Variants in PROSER1 observed in about 807,000 individuals in gnomAD.
PROSER1 encodes the protein proline and serine rich 1.
PROSER1 carries 36 observed loss-of-function variants against 71.8 expected under a neutral mutation model. The ratio of observed to expected loss-of-function variants is 0.50; its 90% CI spans 0.38 to 0.66. PROSER1 has a LOEUF of 0.66. Ranked by LOEUF, PROSER1 falls within the 30% of genes least tolerant of loss-of-function variation. The pLI, the probability that PROSER1 is intolerant of heterozygous loss-of-function variation, is 0.00. For missense variants in PROSER1, 1,107 were observed against 1,135.0 expected, an observed-to-expected ratio of 0.98 and a Z score of 0.35; for synonymous variants, 490 against 452.4, an observed-to-expected ratio of 1.08 and a Z score of -1.06.
chr13:39,036,321 A>AC (rs1871097419), intron 1 of PROSER1, among the ~76,000 whole-genome samples: 1 of 152,232 alleles, frequency 6.6e-6, no homozygotes, highest in Non-Finnish European at 1.5e-5. Flanking sequence ...AAACAGCAAG[A>AC]CCAGAGACAA....
intron 1 of PROSER1, among the ~76,000 whole-genome samples, chr13:39,036,992 G>A (rs1007467936): frequency 6.6e-6 from 1 of 152,178 alleles, no homozygotes; most frequent in African/African-American, 2.4e-5. Flanking sequence ...ACCGTGCTGA[G>A]TCTCAAATTT....
At chr13:39,024,598 A>AG in intron 6 of PROSER1, 42 bp from the exon 7 acceptor site, 1 of 1,433,706 alleles carries the variant, frequency 7.0e-7, no homozygotes, top group South Asian at 1.3e-5. Flanking sequence ...ACTTAAAAAA[A>AG]AAACCCTCAA....
intron 2 of PROSER1, among the ~76,000 whole-genome samples, chr13:39,032,911 T>G (rs546340540): frequency 4.4e-4 from 67 of 151,044 alleles, no homozygotes; most frequent in African/African-American, 1.6e-3. Flanking sequence ...TATATCTTTT[T>G]AAAACATTTA....
chr13:39,018,430 G>C (rs1156547869), intron 9 of PROSER1, among the ~76,000 whole-genome samples: 1 of 148,720 alleles, frequency 6.7e-6, no homozygotes, highest in African/African-American at 2.5e-5. Flanking sequence ...ATAACCACCA[G>C]AACAATGGAG....
Position 39,029,376 on chromosome 13 carries a change from C to T in PROSER1, c.181-1G>A. On this transcript the variant is annotated splice_acceptor_variant, in intron 3 of 12. Coordinates refer to ENST00000352251, the MANE Select transcript of PROSER1 (RefSeq NM_025138.5). LOFTEE classifies it high-confidence loss of function. ...CTGTTGGCTGGACAGCCACCATTTT[C>T]TGTTGATATAAAAAATAATTTTATT... 7.1e-7 allele frequency: 1 copy of T among 1,409,690 alleles called. No homozygotes were observed. Among genetic ancestry groups the T allele is most frequent in the East Asian group, 2.6e-5 (1 of 38,314 alleles). 87.3% of individuals were successfully genotyped at this position (1,409,690 alleles called of 1,614,324 possible). A position where few individuals can be genotyped will look rare whatever the true frequency, so the allele number is the denominator to read the frequency against.
In PROSER1 at chr13:39,013,372, T is replaced by C. The variant is rs1034008574; in HGVS notation, c.1880A>G (p.Asn627Ser). 8.1e-6 allele frequency: 13 copies of C among 1,614,026 alleles called. No homozygotes were observed. In the South Asian group the frequency reaches 1.4e-4, roughly 18 times the overall value. The change falls in exon 11 of 13, where the codon AAT (asparagine) becomes AGT (serine). Residue 627 changes from asparagine to serine, a missense_variant. Physicochemically the swap from Asn to Ser is conservative, Grantham distance 46. Transcript: ENST00000352251. ...CAAACCTAAAGTGCCATGAGAGGGA[T>C]TCCCAGAATGAGATGGACCTTTGAA... ...SAFKGPSHSG[N>S]PSHGTLGLSG...
rs749926201 is a variant in PROSER1 at position 39,014,331 on chromosome 13, G to A, written c.921C>T (p.Asn307=). The A allele has an allele frequency of 1.2e-6, 2 of 1,614,114 alleles. No individual in the cohort carries two copies. The highest frequency in any genetic ancestry group is 2.2e-5 in the South Asian group (2 of 91,082). Reference sequence around the variant, plus strand: ...ACACAGGAAGGACAGTATTCAGCAGGTTCATTCCAGAAACGGTGGCAGCTG... The same window carrying A: ...ACACAGGAAGGACAGTATTCAGCAGATTCATTCCAGAAACGGTGGCAGCTG... The part of the protein sequence containing the change: ...ASAAATVSGM[N]LLNTVLPVFP... Residue 307 remains asparagine (N), a synonymous_variant, in exon 11 of 13, where the codon AAC becomes AAT. Coordinates refer to ENST00000352251, the MANE Select transcript of PROSER1 (RefSeq NM_025138.5).
chr13:39,014,059 G>A lies in PROSER1; in HGVS notation c.1193C>T (p.Ser398Phe), dbSNP rs770593764. 1.2e-6 allele frequency: 2 copies of A among 1,614,098 alleles called. No homozygotes were observed. Among genetic ancestry groups the A allele is most frequent in the African/African-American group, 1.3e-5 (1 of 74,924 alleles). The stretch of plus-strand genomic sequence containing the variant: ...GAGGCTAGTGAAAGGTGCAGAAGTA[G>A]AAGCAAATGCTTCACTGGAACCAAG... Reference protein sequence around the residue: ...STLGSSEAFASTSAPFTSLPF... With the variant: ...STLGSSEAFAFTSAPFTSLPF... The change falls in exon 11 of 13, where the codon TCT becomes TTT. Residue 398 changes from serine to phenylalanine, a missense_variant. By Grantham distance (155) the Ser-to-Phe change is radical (BLOSUM62 -2). Transcript: ENST00000352251.
rs937579063 is a variant in PROSER1 at position 39,011,989 on chromosome 13, A to G, written c.2712+94T>C. ...TTCTGCTAAGAGCCATTTTTTGCCA[A>G]TGTTGGGATATCGCAAATGATACTG... On this transcript the variant is annotated intron_variant, in intron 12 of 12. Transcript: ENST00000352251. 6.9e-6 allele frequency: 9 copies of G among 1,303,712 alleles called. No homozygotes were observed. The South Asian group carries it at 8.4e-5, about 12-fold the overall frequency. 80.8% of individuals were successfully genotyped at this position (1,303,712 alleles called of 1,614,324 possible). A position where few individuals can be genotyped will look rare whatever the true frequency, so the allele number is the denominator to read the frequency against.
intron 3 of PROSER1, 143 bp downstream of exon 3, chr13:39,031,420 T>A: frequency 1.6e-6 from 1 of 637,616 alleles, no homozygotes; most frequent in Non-Finnish European, 2.7e-6. Context: ...TTTTTTAACA[T>A]AGCTATTTTG....
rs1183602451 is a variant in PROSER1 at position 39,019,516 on chromosome 13, C to CAAA, written c.731-1975_731-1973dup. On this transcript the variant is annotated intron_variant, in intron 9 of 12. Coordinates refer to ENST00000352251, the MANE Select transcript of PROSER1 (RefSeq NM_025138.5). The stretch of plus-strand genomic sequence containing the variant: ...GGGCAACAAGAGCAAAACTCTGTCT[C>CAAA]AAAAAAAAAAAAAAAAAAAAAAAAG... Among the ~76,000 whole-genome samples, 58 of 40,730 alleles carry CAAA rather than the reference C, an allele frequency of 1.4e-3. 1 individual carries two copies. The highest frequency in any genetic ancestry group is 4.1e-3 in the East Asian group (5 of 1,216). 26.7% of individuals were successfully genotyped at this position (40,730 alleles called of 152,430 possible). A position where few individuals can be genotyped will look rare whatever the true frequency, so the allele number is the denominator to read the frequency against.
At chr13:39,025,362 ACT>A (rs1870499294) in intron 6 of PROSER1, among the ~76,000 whole-genome samples, 1 of 152,094 alleles carries the variant, frequency 6.6e-6, no homozygotes, top group African/African-American at 2.4e-5. Flanking sequence ...GATGTCCCCC[ACT>A]GATCCTCATC....
intron 10 of PROSER1, among the ~76,000 whole-genome samples, chr13:39,015,864 T>C (rs994162357): frequency 1.3e-5 from 2 of 152,238 alleles, no homozygotes; most frequent in African/African-American, 2.4e-5. Flanking sequence ...ACGTTTTTTG[T>C]ACTTAATTTC....
chr13:39,012,142 G>A lies in PROSER1; in HGVS notation c.2653C>T (p.Gln885Ter), dbSNP rs2138094521. Residue 885 changes from glutamine (Q) to a stop codon, truncating the protein, a stop_gained, in exon 12 of 13, where the codon CAA (glutamine) becomes TAA (stop). Transcript: ENST00000352251. LOFTEE classifies it high-confidence loss of function. The stretch of plus-strand genomic sequence containing the variant: ...TGCTGTAATTCTTGCAAGGATGATT[G>A]TGAAGGATTCTGAGGAAACCCAGGG... ...GIPGFPQNPS[Q>*]SSLQELQHNA... 6.2e-7 allele frequency: 1 copy of A among 1,614,214 alleles called. No homozygotes were observed. The highest frequency in any genetic ancestry group is 2.2e-5 in the East Asian group (1 of 44,880).
chr13:39,016,870 G>T (rs973215712), intron 10 of PROSER1, among the ~76,000 whole-genome samples: 1 of 152,116 alleles, frequency 6.6e-6, no homozygotes, highest in Non-Finnish European at 1.5e-5. Flanking sequence ...CAATGGTCAG[G>T]CTATTGTGCT....
intron 9 of PROSER1, among the ~76,000 whole-genome samples, chr13:39,021,600 A>C (rs9576704): frequency 6.6e-6 from 1 of 151,880 alleles, no homozygotes; most frequent in Admixed American, 6.6e-5. Flanking sequence ...GTATTTTTTT[A>C]AAAGTGCTCC....
At position 39,037,906 on chromosome 13, in the gene PROSER1, A is replaced by T. The variant is rs373717255; in HGVS notation, c.-664T>A. 1.3e-5 allele frequency: 2 copies of T among 152,506 alleles called. No individual in the cohort carries two copies. The highest frequency in any genetic ancestry group is 6.5e-5 in the Admixed American group (1 of 15,280). The allele number at this position is 152,506 out of a possible 1,614,324, so 9.4% of individuals were successfully genotyped here. On this transcript the variant is annotated 5_prime_UTR_variant, in exon 1 of 13. Transcript: ENST00000352251. ...AGCGGGCCGGCGGCTGGGGAGCACC[A>T]GGAGCCGGGCGAAGAGGGGCACGGC...
Position 39,029,247 on chromosome 13 carries a change from T to TAAAA in PROSER1, c.275+30_275+33dup, listed in dbSNP as rs34146778. 1,036 of 743,328 alleles carry TAAAA rather than the reference T, an allele frequency of 1.4e-3. 16 individuals are homozygous for TAAAA. In the African/African-American group the frequency reaches 0.017, roughly 12 times the overall value. The allele number at this position is 743,328 out of a possible 1,614,324, so 46.0% of individuals were successfully genotyped here. A position where few individuals can be genotyped will look rare whatever the true frequency, so the allele number is the denominator to read the frequency against. On this transcript the variant is annotated intron_variant, in intron 4 of 12. Coordinates refer to ENST00000352251, the MANE Select transcript of PROSER1 (RefSeq NM_025138.5). ...AAACGCTTCTACATTTTTTCCCAAG[T>TAAAA]AAAAAAAAAAAAAAAAAAAAAAGAA...
intron 9 of PROSER1, among the ~76,000 whole-genome samples, chr13:39,019,466 A>G (rs1224643628): frequency 1.4e-5 from 2 of 146,852 alleles, no homozygotes; most frequent in East Asian, 4.0e-4. Context: ...TGGTGAGCCG[A>G]CATTGCGCCA....
Sources: allele counts gnomAD v4.1 joint callset (sites outside exome capture counted in the v4.1 genomes callset), GRCh38; gene constraint gnomAD v4.1.1; transcripts MANE v1.5; gene names NCBI Gene and HGNC (gene_info 2026-07-23, HGNC 2026-07-21).